Variants in GBE1 observed in about 807,000 individuals in gnomAD.
GBE1 encodes the protein 1,4-alpha-glucan branching enzyme 1, also known as 1,4-alpha-glucan-branching enzyme.
A neutral mutation model predicts 88.8 loss-of-function variants in GBE1; 70 were observed. The ratio of observed to expected loss-of-function variants is 0.79; its 90% CI spans 0.65 to 0.96. GBE1 has a LOEUF of 0.96. GBE1 is among the 40% of genes least tolerant of loss of function. The pLI, the probability that GBE1 is intolerant of heterozygous loss-of-function variation, is 0.00. For missense variants in GBE1, 872 were observed against 871.0 expected, an observed-to-expected ratio of 1.00 and a Z score of -0.01; for synonymous variants, 284 against 300.1, an observed-to-expected ratio of 0.95 and a Z score of 0.56.
intron 3 of GBE1, among the ~76,000 whole-genome samples, chr3:81,654,011 A>G (rs1456716104): frequency 6.6e-6 from 1 of 152,162 alleles, no homozygotes; most frequent in Non-Finnish European, 1.5e-5. Context: ...TAAGTATATT[A>G]ACACATTAAG....
At chr3:81,501,345 G>T (rs1702583667) in intron 14 of GBE1, among the ~76,000 whole-genome samples, 1 of 152,136 alleles carries the variant, frequency 6.6e-6, no homozygotes, top group African/African-American at 2.4e-5. Flanking sequence ...TGACGAGAAT[G>T]TCCTCCTATT....
intron 8 of GBE1, among the ~76,000 whole-genome samples, chr3:81,593,021 T>C (rs72904388): frequency 0.074 from 11,296 of 152,026 alleles, 758 homozygotes; most frequent in African/African-American, 0.17. Flanking sequence ...CCCCTTTGTT[T>C]TTTTCTTTTT....
At chr3:81,680,858 C>T (rs770948750) in intron 2 of GBE1, among the ~76,000 whole-genome samples, 3 of 152,212 alleles carry the variant, frequency 2.0e-5, no homozygotes, top group Non-Finnish European at 2.9e-5. Flanking sequence ...CAGTTTGCAA[C>T]GCCAGAGAGG....
At chr3:81,573,175 G>A (rs1703597874) in intron 12 of GBE1, among the ~76,000 whole-genome samples, 1 of 152,064 alleles carries the variant, frequency 6.6e-6, no homozygotes, top group East Asian at 1.9e-4. Context: ...AATTTAAAGT[G>A]ATTGAAACTC....
rs1280227376 is a variant in GBE1 at position 81,649,858 on chromosome 3, C to A, written c.493G>T (p.Val165Phe). 1 of 1,611,554 alleles carries A rather than the reference C, an allele frequency of 6.2e-7. No homozygotes were observed. Among genetic ancestry groups the A allele is most frequent in the Admixed American group, 1.7e-5 (1 of 59,922 alleles). ...YRISPWAKYVVREGDNVNYDW... is the reference protein window; with the variant it reads ...YRISPWAKYVFREGDNVNYDW... ...TAATTCACATTATCACCTTCACGAA[C>A]CACATACTTTGCCCACGGTGAAATA... The change falls in exon 4 of 16, where the codon GTT becomes TTT. Residue 165 changes from valine to phenylalanine, a missense_variant. Val to Phe is a conservative substitution (Grantham distance 50). Coordinates refer to ENST00000429644, the MANE Select transcript of GBE1 (RefSeq NM_000158.4).
At chr3:81,600,067 A>G (rs1048239764) in intron 7 of GBE1, among the ~76,000 whole-genome samples, 1 of 152,058 alleles carries the variant, frequency 6.6e-6, no homozygotes, top group Non-Finnish European at 1.5e-5. Flanking sequence ...AGGTCAAGAG[A>G]TCAAGATCAT....
chr3:81,520,433 C>T (rs187938505), intron 14 of GBE1, among the ~76,000 whole-genome samples: 5 of 151,602 alleles, frequency 3.3e-5, no homozygotes, highest in Admixed American at 2.6e-4. Context: ...ACATTCTCCC[C>T]ACATCATTTA....
intron 1 of GBE1, among the ~76,000 whole-genome samples, chr3:81,724,450 T>C (rs1706080338): frequency 6.6e-6 from 1 of 152,132 alleles, no homozygotes; most frequent in African/African-American, 2.4e-5. Flanking sequence ...TGATCTCTAA[T>C]CAAATTCACC....
chr3:81,580,713 AG>A (rs1453196151), intron 11 of GBE1, among the ~76,000 whole-genome samples: 1 of 152,058 alleles, frequency 6.6e-6, no homozygotes, highest in East Asian at 1.9e-4. Context: ...TGGATGGAAC[AG>A]GGGTCAGGGA....
chr3:81,549,358 T>C (rs1014425479), intron 12 of GBE1, among the ~76,000 whole-genome samples: 1 of 151,514 alleles, frequency 6.6e-6, no homozygotes, highest in Non-Finnish European at 1.5e-5. Context: ...AATACAGTTA[T>C]TTGCATAAGT....
chr3:81,683,764 A>G (rs1705392435), intron 2 of GBE1, among the ~76,000 whole-genome samples: 1 of 152,178 alleles, frequency 6.6e-6, no homozygotes, highest in African/African-American at 2.4e-5. Flanking sequence ...CCAATGCCCT[A>G]TGTTATTATT....
At chr3:81,608,988 G>A (rs541254530) in intron 7 of GBE1, among the ~76,000 whole-genome samples, 4 of 152,222 alleles carry the variant, frequency 2.6e-5, no homozygotes, top group East Asian at 3.9e-4. Context: ...TGGGTTGAAC[G>A]AAGAATCACA....
At chr3:81,691,797 T>A (rs1419506686) in intron 2 of GBE1, among the ~76,000 whole-genome samples, 2 of 152,114 alleles carry the variant, frequency 1.3e-5, no homozygotes, top group East Asian at 3.9e-4. Flanking sequence ...AATTAATTTT[T>A]TAAATAAAAT....
chr3:81,715,730 C>T (rs565083917), intron 1 of GBE1, among the ~76,000 whole-genome samples: 19 of 152,162 alleles, frequency 1.2e-4, no homozygotes, highest in African/African-American at 4.1e-4. Flanking sequence ...AGAATTTCTG[C>T]TTCCTCATTT....
intron 2 of GBE1, among the ~76,000 whole-genome samples, chr3:81,683,409 G>A: frequency 6.6e-6 from 1 of 152,152 alleles, no homozygotes; most frequent in Non-Finnish European, 1.5e-5. Context: ...ATGCTGAATA[G>A]TTAGCTTGCT....
At chr3:81,537,715 T>C (rs1287553311) in intron 12 of GBE1, among the ~76,000 whole-genome samples, 1 of 152,018 alleles carries the variant, frequency 6.6e-6, no homozygotes, top group Non-Finnish European at 1.5e-5. Context: ...ACTCAGGTCA[T>C]TACTTTTATT....
At chr3:81,691,320 A>G (rs979862288) in intron 2 of GBE1, among the ~76,000 whole-genome samples, 2 of 152,232 alleles carry the variant, frequency 1.3e-5, no homozygotes, top group African/African-American at 4.8e-5. Flanking sequence ...AAAATGGACT[A>G]TTTTATACAA....
At chr3:81,621,331 A>G (rs1054622905) in intron 7 of GBE1, among the ~76,000 whole-genome samples, 2 of 152,180 alleles carry the variant, frequency 1.3e-5, no homozygotes, top group Non-Finnish European at 2.9e-5. Flanking sequence ...AAAATTGTGA[A>G]TCTTTTTATT....
chr3:81,720,200 T>C (rs1050168211), intron 1 of GBE1, among the ~76,000 whole-genome samples: 3 of 152,070 alleles, frequency 2.0e-5, no homozygotes, highest in African/African-American at 7.2e-5. Context: ...AGAGCTTTCA[T>C]AGTGGCTGCC....
Sources: gnomAD v4.1 joint callset for allele counts (sites outside exome capture counted in the v4.1 genomes callset) on GRCh38, gnomAD v4.1.1 for gene constraint, MANE v1.5 for transcripts, NCBI Gene and HGNC (gene_info 2026-07-23, HGNC 2026-07-21) for gene names.